CPAMD8: variants seen among roughly 807,000 people sequenced by gnomAD.
The protein encoded by CPAMD8 is C3 and PZP-like alpha-2-macroglobulin domain-containing protein 8.
In CPAMD8, 146 loss-of-function variants were observed where a neutral mutation model predicts 224.7. That is an observed-to-expected ratio of 0.65 (90% CI 0.57 to 0.75). The LOEUF (loss-of-function observed/expected upper bound fraction) is 0.75, where lower values mean the gene tolerates loss of function less well. CPAMD8 is among the 30% of genes least tolerant of loss of function. The probability of loss-of-function intolerance (pLI) is 0.00; values close to 1 mark genes in which losing one functional copy is unlikely to be tolerated. For synonymous variants in CPAMD8, 966 were observed against 1,044.6 expected (o/e 0.92, Z 1.45); for missense variants, 2,301 against 2,537.5 (o/e 0.91, Z 2.00).
intron 17 of CPAMD8, among the ~76,000 whole-genome samples, chr19:16,973,326 G>A (rs1246961090): frequency 2.0e-5 from 3 of 152,140 alleles, no homozygotes; most frequent in Non-Finnish European, 2.9e-5. Flanking sequence ...AGGTTGGGGA[G>A]GGAAGGATGC....
At chr19:17,021,014 G>A (rs1473649387) in intron 2 of CPAMD8, among the ~76,000 whole-genome samples, 3 of 152,120 alleles carry the variant, frequency 2.0e-5, no homozygotes, top group Non-Finnish European at 4.4e-5. Context: ...TTGGTTCAGG[G>A]CTGAGCACAT....
At chr19:17,005,434 CTT>C (rs1396547757) in intron 7 of CPAMD8, among the ~76,000 whole-genome samples, 1 of 150,140 alleles carries the variant, frequency 6.7e-6, no homozygotes, top group Admixed American at 6.7e-5. Context: ...CACGCACACA[CTT>C]TAGAACAGAG....
intron 7 of CPAMD8, among the ~76,000 whole-genome samples, chr19:17,006,276 T>C (rs537747060): frequency 4.9e-4 from 74 of 152,246 alleles, no homozygotes; most frequent in Middle Eastern, 3.4e-3. Flanking sequence ...AGGGTTTTTT[T>C]AAACAGGAGG....
intron 29 of CPAMD8, among the ~76,000 whole-genome samples, chr19:16,912,252 A>G (rs898356561): frequency 3.3e-5 from 5 of 152,220 alleles, no homozygotes; most frequent in African/African-American, 1.2e-4. Flanking sequence ...CCCTTGTGCC[A>G]AAAAGGTTGG....
intron 26 of CPAMD8, among the ~76,000 whole-genome samples, chr19:16,923,965 A>C (rs2053267356): frequency 6.6e-6 from 1 of 152,060 alleles, no homozygotes; most frequent in Non-Finnish European, 1.5e-5. Context: ...CTTACAAAAA[A>C]AAAAAAGAAA....
chr19:16,915,411 G>A (rs1301281507), intron 27 of CPAMD8, among the ~76,000 whole-genome samples: 2 of 152,132 alleles, frequency 1.3e-5, no homozygotes, highest in Non-Finnish European at 2.9e-5. Flanking sequence ...GGAAAAAAAC[G>A]AGCCCCAGTG....
At chr19:16,990,884 A>C (rs2055924585) in intron 12 of CPAMD8, among the ~76,000 whole-genome samples, 1 of 119,658 alleles carries the variant, frequency 8.4e-6, no homozygotes, top group South Asian at 2.5e-4. Flanking sequence ...AAAAAAAAAA[A>C]AAAAAAAAGT....
chr19:16,974,195 A>T (rs2055171390), intron 17 of CPAMD8, among the ~76,000 whole-genome samples: 1 of 149,428 alleles, frequency 6.7e-6, no homozygotes, highest in Admixed American at 6.7e-5. Flanking sequence ...GCAGTGGCGC[A>T]ATCTTGGCTC....
In CPAMD8 at chr19:16,925,097, C is replaced by T. The variant is rs114434721; in HGVS notation, c.3547+99G>A. ...TTTGCCCACTTCCTCCCCTTTGCTG[C>T]ACCTGGTGTGTGGGCCACCTCCAGC... On this transcript the variant is annotated intron_variant, in intron 26 of 41. Transcript: ENST00000443236. 553 of 1,292,118 alleles carry T rather than the reference C, an allele frequency of 4.3e-4. 2 individuals carry two copies. The African/African-American group carries it at 7.0e-3, about 16-fold the overall frequency. The allele number at this position is 1,292,118 out of a possible 1,614,324, so 80.0% of individuals were successfully genotyped here. A position where few individuals can be genotyped will look rare whatever the true frequency, so the allele number is the denominator to read the frequency against.
intron 11 of CPAMD8, among the ~76,000 whole-genome samples, chr19:16,993,995 C>T (rs1007436821): frequency 7.9e-5 from 12 of 152,100 alleles, no homozygotes; most frequent in Admixed American, 4.6e-4. Flanking sequence ...CCCAACTATT[C>T]AGGAGGCTGA....
In CPAMD8 at chr19:16,898,014, G is replaced by A. The variant is rs1555751957; in HGVS notation, c.4849-20C>T. On this transcript the variant is annotated intron_variant, in intron 37 of 41. Transcript: ENST00000443236. This position sits in a 1 kb window ranked among gnomAD's most constrained non-coding sequence, Gnocchi z 4.2. ...GGGGATCTGTGGGGCAGCGGCGGGC[G>A]CAGGCTCGACCCGGGCCAGGAGGCC... 23 of 1,586,716 alleles carry A rather than the reference G, an allele frequency of 1.4e-5. No individual in the cohort carries two copies. In the East Asian group the frequency reaches 1.6e-4, roughly 11 times the overall value.
intron 26 of CPAMD8, among the ~76,000 whole-genome samples, chr19:16,922,372 C>T (rs898697775): frequency 6.7e-6 from 1 of 149,466 alleles, no homozygotes; most frequent in Non-Finnish European, 1.5e-5. Flanking sequence ...GGAACCGCAG[C>T]GCACCACATC....
intron 23 of CPAMD8, among the ~76,000 whole-genome samples, chr19:16,931,426 T>C (rs563061492): frequency 6.6e-6 from 1 of 152,094 alleles, no homozygotes; most frequent in Non-Finnish European, 1.5e-5. Flanking sequence ...ATGCCACCTG[T>C]GGGCAAGGAG....
At chr19:16,973,493 C>CAT (rs1568547195) in intron 17 of CPAMD8, among the ~76,000 whole-genome samples, 1 of 151,962 alleles carries the variant, frequency 6.6e-6, no homozygotes, top group Non-Finnish European at 1.5e-5. Context: ...GGATTACAGG[C>CAT]GCCCACCACC....
chr19:16,916,898 C>A (rs1358543003), intron 27 of CPAMD8, among the ~76,000 whole-genome samples: 1 of 152,140 alleles, frequency 6.6e-6, no homozygotes, highest in African/African-American at 2.4e-5. Context: ...CCAGGCTCAT[C>A]CCCACCCCAT....
chr19:16,963,499 T>C lies in CPAMD8; in HGVS notation c.2214-5584A>G, dbSNP rs1005197324. ...ATTCAACAAGAAGAGCTAACTATCCTAAATGTATATGCATGCAATACAGGA... is the reference window on the plus strand; with the variant it reads ...ATTCAACAAGAAGAGCTAACTATCCCAAATGTATATGCATGCAATACAGGA... On this transcript the variant is annotated intron_variant, in intron 18 of 41. Transcript: ENST00000443236. Among the ~76,000 whole-genome samples the C allele has an allele frequency of 2.0e-5, 3 of 152,214 alleles. No individual in the cohort carries two copies. In the East Asian group the frequency reaches 5.8e-4, roughly 29 times the overall value.
intron 10 of CPAMD8, among the ~76,000 whole-genome samples, chr19:16,999,377 G>A (rs146113051): frequency 0.031 from 4,756 of 151,806 alleles, 102 homozygotes; most frequent in Non-Finnish European, 0.045. Context: ...TCAGGAGATC[G>A]AGACCATCCT....
Position 16,952,194 on chromosome 19 carries a change from T to G in CPAMD8, c.2283A>C (p.Pro761=). 1 of 1,523,090 alleles carries G rather than the reference T, an allele frequency of 6.6e-7. No individual in the cohort carries two copies. Among genetic ancestry groups the G allele is most frequent in the East Asian group, 2.5e-5 (1 of 40,772 alleles). The allele number at this position is 1,523,090 out of a possible 1,614,324, so 94.3% of individuals were successfully genotyped here. A position where few individuals can be genotyped will look rare whatever the true frequency, so the allele number is the denominator to read the frequency against. ...TCACACTGAGTGTCCCCTCACCAGATGGGTCACTGCGGAGAGACAGACAGC... is the reference window on the plus strand; with the variant it reads ...TCACACTGAGTGTCCCCTCACCAGAGGGGTCACTGCGGAGAGACAGACAGC... ...WIWHCLNISD[P]SGEGTLSVKV... The change falls in exon 20 of 42, where the codon CCA becomes CCC. Residue 761 remains proline, a synonymous_variant. Transcript: ENST00000443236.
rs2051825062 is a variant in CPAMD8 at position 16,893,156 on chromosome 19, A to G, written c.5610T>C (p.Ser1870=). 5 of 1,581,906 alleles carry G rather than the reference A, an allele frequency of 3.2e-6. No homozygotes were observed. The highest frequency in any genetic ancestry group is 2.7e-5 in the African/African-American group (2 of 74,218). Residue 1870 remains serine (S), a synonymous_variant, in exon 42 of 42, where the codon AGT becomes AGC. Coordinates refer to ENST00000443236, the MANE Select transcript of CPAMD8 (RefSeq NM_015692.5). ...PVFVYSPAFQ[S]GGEEGLWMSN... is the part of the protein sequence containing the mutation. ...ACATCCATAAACCCTCCTCCCCACCACTCTGAAAGGCTGGGCTGTAGACGA... is the reference window on the plus strand; with the variant it reads ...ACATCCATAAACCCTCCTCCCCACCGCTCTGAAAGGCTGGGCTGTAGACGA...
Sources: allele counts gnomAD v4.1 joint callset (sites outside exome capture counted in the v4.1 genomes callset), GRCh38; gene constraint gnomAD v4.1.1; non-coding constraint Gnocchi (gnomAD v3.1); transcripts MANE v1.5; gene names NCBI Gene and HGNC (gene_info 2026-07-23, HGNC 2026-07-21).